The following SRPK1 variants were observed in gnomAD, a reference collection of about 807,000 sequenced individuals.
SRPK1 encodes SRSF protein kinase 1, also known as SFRS protein kinase 1.
A neutral mutation model predicts 89.5 loss-of-function variants in SRPK1; 52 were observed. The observed-to-expected ratio is 0.58, with a 90% CI of 0.46 to 0.73. The LOEUF is 0.73. Among genes scored for constraint, SRPK1 ranks in the 30% least tolerant of loss-of-function variants. SRPK1 has a pLI of 0.00. For missense variants in SRPK1, 603 were observed against 780.6 expected (o/e 0.77, Z 2.71); for synonymous variants, 255 against 270.2 (o/e 0.94, Z 0.55).
chr6:35,885,695 G>A (rs1184343183), intron 6 of SRPK1, among the ~76,000 whole-genome samples: 1 of 152,170 alleles, frequency 6.6e-6, no homozygotes, highest in Non-Finnish European at 1.5e-5. Flanking sequence ...CTTATAAACA[G>A]GTGATTTTAG....
intron 7 of SRPK1, among the ~76,000 whole-genome samples, chr6:35,873,928 G>A (rs1390712783): frequency 1.3e-5 from 2 of 151,740 alleles, no homozygotes; most frequent in African/African-American, 2.4e-5. Context: ...CTGGGTTCAC[G>A]CCATTCTCCT....
At chr6:35,912,784 T>C (rs1201209290) in intron 2 of SRPK1, among the ~76,000 whole-genome samples, 1 of 152,216 alleles carries the variant, frequency 6.6e-6, no homozygotes, top group East Asian at 1.9e-4. Flanking sequence ...GTTGATCATC[T>C]TTCTTCCCTT....
At chr6:35,890,224 C>T (rs779260246) in intron 3 of SRPK1, among the ~76,000 whole-genome samples, 1 of 152,230 alleles carries the variant, frequency 6.6e-6, no homozygotes, top group Non-Finnish European at 1.5e-5. Context: ...GATCGTGCCA[C>T]AGCACTCCAG....
intron 7 of SRPK1, 75 bp downstream of exon 7, chr6:35,874,158 G>T: frequency 8.0e-7 from 1 of 1,254,548 alleles, no homozygotes; most frequent in East Asian, 2.5e-5. Context: ...AAAAAATAAA[G>T]TCCTGACACT....
intron 6 of SRPK1, 132 bp downstream of exon 6, chr6:35,886,592 A>G (rs945252813): frequency 3.0e-6 from 2 of 672,212 alleles, no homozygotes; most frequent in Non-Finnish European, 5.4e-6. Context: ...TGTGTTCAGA[A>G]GTGTACAATA....
At chr6:35,920,159 G>T in intron 2 of SRPK1, 1 of 523,932 alleles carries the variant, frequency 1.9e-6, no homozygotes, top group Non-Finnish European at 3.7e-6. Context: ...AGCTCCGGTG[G>T]GGAGGTCCAA....
At chr6:35,847,306 A>G (rs1231010065) in intron 13 of SRPK1, among the ~76,000 whole-genome samples, 1 of 152,208 alleles carries the variant, frequency 6.6e-6, no homozygotes, top group Admixed American at 6.5e-5. Flanking sequence ...CCGGGGCTCA[A>G]GTGATCCTCC....
At chr6:35,855,371 A>T (rs777909027) in intron 13 of SRPK1, among the ~76,000 whole-genome samples, 238 of 152,250 alleles carry the variant, frequency 1.6e-3, no homozygotes, top group Non-Finnish European at 2.9e-3. Context: ...ATGCCACATT[A>T]ACAACATGAT....
In SRPK1 at chr6:35,833,329, C is replaced by T. The variant is rs565297696; in HGVS notation, c.*1975G>A. ...GAGAAGCATTTCCAAAATGAAGTTA[C>T]AGGTTCTATTAAAACTTACTGTCAC... On this transcript the variant is annotated 3_prime_UTR_variant, in exon 16 of 16. Coordinates refer to ENST00000373825, the MANE Select transcript of SRPK1 (RefSeq NM_003137.5). 6.6e-6 allele frequency: 1 copy of T among 152,520 alleles called. No homozygotes were observed. Among genetic ancestry groups the T allele is most frequent in the Admixed American group, 6.5e-5 (1 of 15,306 alleles). 9.4% of individuals were successfully genotyped at this position (152,520 alleles called of 1,614,324 possible).
chr6:35,895,276 T>TA (rs748673403), intron 2 of SRPK1, among the ~76,000 whole-genome samples: 10 of 152,148 alleles, frequency 6.6e-5, no homozygotes, highest in Non-Finnish European at 7.4e-5. Context: ...AATACCTAAT[T>TA]ATGGCTACAA....
At chr6:35,893,400 G>A (rs1770561984) in intron 2 of SRPK1, among the ~76,000 whole-genome samples, 2 of 152,090 alleles carry the variant, frequency 1.3e-5, no homozygotes. Context: ...TGGGAGGAAT[G>A]CTTGAAGCTG....
Position 35,833,638 on chromosome 6 carries a change from T to G in SRPK1, c.*1666A>C, listed in dbSNP as rs372967375. 3 of 152,770 alleles carry G rather than the reference T, an allele frequency of 2.0e-5. No individual in the cohort carries two copies. The East Asian group carries it at 5.8e-4, about 29-fold the overall frequency. 9.5% of individuals were successfully genotyped at this position (152,770 alleles called of 1,614,324 possible). A position where few individuals can be genotyped will look rare whatever the true frequency, so the allele number is the denominator to read the frequency against. ...CATGTCTGATTTCAGGAGTACCCAA[T>G]GAAGGATCCGATGAATGGCTGGCCA... On this transcript the variant is annotated 3_prime_UTR_variant, in exon 16 of 16. Coordinates refer to ENST00000373825, the MANE Select transcript of SRPK1 (RefSeq NM_003137.5).
At chr6:35,840,539 G>A (rs576867107) in intron 14 of SRPK1, among the ~76,000 whole-genome samples, 1 of 152,228 alleles carries the variant, frequency 6.6e-6, no homozygotes, top group South Asian at 2.1e-4. Flanking sequence ...GTAAAATATT[G>A]GTCCTTTAAA....
intron 10 of SRPK1, 125 bp from the exon 11 acceptor site, chr6:35,870,026 C>T: frequency 8.8e-7 from 1 of 1,139,126 alleles, no homozygotes; most frequent in Non-Finnish European, 1.2e-6. Flanking sequence ...CATGACTAAA[C>T]ATCTAAAACC....
intron 2 of SRPK1, among the ~76,000 whole-genome samples, chr6:35,895,423 T>C (rs1445407998): frequency 7.8e-6 from 1 of 127,850 alleles, no homozygotes; most frequent in Admixed American, 9.1e-5. Flanking sequence ...AAACAAAGGT[T>C]GAGGCATATG....
At chr6:35,876,579 C>T (rs1055756589) in intron 6 of SRPK1, among the ~76,000 whole-genome samples, 1 of 152,088 alleles carries the variant, frequency 6.6e-6, no homozygotes, top group African/African-American at 2.4e-5. Context: ...GAGGTCAAGG[C>T]TGCAGTGAGC....
intron 2 of SRPK1, among the ~76,000 whole-genome samples, chr6:35,918,292 G>A (rs1346827288): frequency 6.6e-6 from 1 of 152,196 alleles, no homozygotes; most frequent in Non-Finnish European, 1.5e-5. Flanking sequence ...CCTGAGCTCA[G>A]GAGTTCGAGA....
chr6:35,857,414 TAAC>T (rs1160803761), intron 12 of SRPK1, 46 bp from the exon 13 acceptor site: 1 of 1,447,280 alleles, frequency 6.9e-7, no homozygotes, highest in East Asian at 2.4e-5. Context: ...TTCTAAAAAG[TAAC>T]AAGTCAATAC....
Position 35,852,655 on chromosome 6 carries a change from G to A in SRPK1, c.1620+4606C>T, listed in dbSNP as rs149213983. Among the ~76,000 whole-genome samples, 584 of 152,262 alleles carry A rather than the reference G, an allele frequency of 3.8e-3. 2 individuals carry two copies. The highest frequency in any genetic ancestry group is 0.013 in the African/African-American group (549 of 41,548). ...CAGACATTTCTGCCGTTTCATTCGG[G>A]CAGCTCAGATTGGGAATTGGTGATG... On this transcript the variant is annotated intron_variant, in intron 13 of 15. Transcript: ENST00000373825.
Sources: gnomAD v4.1 joint callset for allele counts (sites outside exome capture counted in the v4.1 genomes callset) on GRCh38, gnomAD v4.1.1 for gene constraint, MANE v1.5 for transcripts, NCBI Gene and HGNC (gene_info 2026-07-23, HGNC 2026-07-21) for gene names.